Variants in NUP214 observed in about 807,000 individuals in gnomAD.
NUP214 encodes the protein nucleoporin 214, also known as nuclear pore complex protein Nup214.
NUP214 carries 79 observed loss-of-function variants against 196.2 expected under a neutral mutation model. The ratio of observed to expected loss-of-function variants is 0.40; its 90% CI spans 0.34 to 0.49. NUP214 has a LOEUF of 0.49. Ranked by LOEUF, NUP214 falls within the 20% of genes least tolerant of loss-of-function variation. NUP214 has a pLI of 0.58. For synonymous variants in NUP214, 1,020 were observed against 990.5 expected, an observed-to-expected ratio of 1.03 and a Z score of -0.56; for missense variants, 2,468 against 2,539.0, an observed-to-expected ratio of 0.97 and a Z score of 0.60.
At chr9:131,150,866 C>T in intron 16 of NUP214, 101 bp downstream of exon 16, 1 of 1,180,518 alleles carries the variant, frequency 8.5e-7, no homozygotes, top group Non-Finnish European at 1.2e-6. Context: ...CAAGGACCAC[C>T]AGTGTTGTTG....
chr9:131,160,414 G>T (rs1323964536), intron 18 of NUP214, among the ~76,000 whole-genome samples: 1 of 152,116 alleles, frequency 6.6e-6, no homozygotes, highest in Non-Finnish European at 1.5e-5. Context: ...AAAGATGAGA[G>T]AAATGATGGC....
At chr9:131,207,462 A>G (rs192521270) in intron 30 of NUP214, among the ~76,000 whole-genome samples, 3 of 152,308 alleles carry the variant, frequency 2.0e-5, no homozygotes, top group Admixed American at 1.3e-4. Flanking sequence ...CATTTGGCCT[A>G]TGTAGCCTGG....
chr9:131,187,426 GC>G, intron 25 of NUP214, 62 bp downstream of exon 25: 1 of 1,268,638 alleles, frequency 7.9e-7, no homozygotes, highest in Non-Finnish European at 1.1e-6. Flanking sequence ...TTACTCTGTC[GC>G]CCAGGCTCAA....
chr9:131,232,505 G>C lies in NUP214; in HGVS notation c.6239+197G>C. On this transcript the variant is annotated intron_variant, in intron 35 of 35. Coordinates refer to ENST00000359428, the MANE Select transcript of NUP214 (RefSeq NM_005085.4). The surrounding 1 kb of genome is among the most constrained non-coding windows in gnomAD (Gnocchi z 5.1). Reference sequence around the variant, plus strand: ...TCTCTGTAGCAATATGGCAGGAGGTGCCAGGCCTCGCCTTCTTAAGAGGCG... The same window carrying C: ...TCTCTGTAGCAATATGGCAGGAGGTCCCAGGCCTCGCCTTCTTAAGAGGCG... 1.6e-6 allele frequency: 1 copy of C among 638,210 alleles called. No homozygotes were observed. Among genetic ancestry groups the C allele is most frequent in the Non-Finnish European group, 2.8e-6 (1 of 355,914 alleles). 39.5% of individuals were successfully genotyped at this position (638,210 alleles called of 1,614,324 possible). A position where few individuals can be genotyped will look rare whatever the true frequency, so the allele number is the denominator to read the frequency against.
chr9:131,174,261 C>A lies in NUP214; in HGVS notation c.3100C>A (p.Pro1034Thr). ...GCCCAGTCTCTTGCCCCATGCAGCACCTTTTGCTAAATCTCACCTGGTTCA... is the reference window on the plus strand; with the variant it reads ...GCCCAGTCTCTTGCCCCATGCAGCAACTTTTGCTAAATCTCACCTGGTTCA... ...IQPSLLPHAA[P>T]FAKSHLVHGS... The change falls in exon 22 of 36, where the codon CCT (proline) becomes ACT (threonine). Residue 1034 changes from proline (P) to threonine (T), a missense_variant. By Grantham distance (38) the Pro-to-Thr change is conservative. Around this residue, in one of 5 missense-constraint regions of NUP214, gnomAD observed 1,801 missense variants for 1,779.4 expected, o/e 1.01. Coordinates refer to ENST00000359428, the MANE Select transcript of NUP214 (RefSeq NM_005085.4). The A allele has an allele frequency of 6.2e-7, 1 of 1,613,834 alleles. No homozygotes were observed. The highest frequency in any genetic ancestry group is 1.1e-5 in the South Asian group (1 of 91,030).
intron 2 of NUP214, 115 bp from the exon 3 acceptor site, chr9:131,128,217 G>T (rs1386593304): frequency 5.7e-6 from 4 of 702,978 alleles, no homozygotes; most frequent in Non-Finnish European, 9.4e-6. Flanking sequence ...CTAGGTATTG[G>T]GGTGTATGTG....
At chr9:131,157,637 G>GT (rs923824795) in intron 17 of NUP214, among the ~76,000 whole-genome samples, 54 of 151,278 alleles carry the variant, frequency 3.6e-4, no homozygotes, top group African/African-American at 1.3e-3. Flanking sequence ...GCTAATTTTT[G>GT]TTTTTTGTTT....
In NUP214 at chr9:131,150,656, G is replaced by A. The variant is rs377273510; in HGVS notation, c.2168G>A (p.Arg723Gln). The A allele has an allele frequency of 3.3e-5, 53 of 1,613,906 alleles. No individual in the cohort carries two copies. Among genetic ancestry groups the A allele is most frequent in the East Asian group, 1.1e-4 (5 of 44,890 alleles). Residue 723 changes from arginine (R) to glutamine (Q), a missense_variant, in exon 16 of 36, where the codon CGA (arginine) becomes CAA (glutamine). By Grantham distance (43) the Arg-to-Gln change is conservative (BLOSUM62 1). Around this residue, in one of 5 missense-constraint regions of NUP214, gnomAD observed 1,801 missense variants for 1,779.4 expected, o/e 1.01. Transcript: ENST00000359428. ...FQKELEELKA[R>Q]TSKACFQVGT... ...AAGGAGTTGGAAGAGTTAAAAGCCC[G>A]AACTTCCAAAGCCTGTTTCCAAGTG...
intron 35 of NUP214, 97 bp from the exon 36 acceptor site, chr9:131,233,357 C>T (rs1441570478): frequency 2.4e-6 from 3 of 1,248,096 alleles, no homozygotes; most frequent in Non-Finnish European, 3.3e-6. Flanking sequence ...AATAAAAAAT[C>T]TGAGTCCTGA....
Position 131,146,422 on chromosome 9 carries a change from A to G in NUP214, c.1945+118A>G, listed in dbSNP as rs1162842321. On this transcript the variant is annotated intron_variant, in intron 13 of 35. Transcript: ENST00000359428. This position sits in a 1 kb window ranked among gnomAD's most constrained non-coding sequence, Gnocchi z 4.6. ...AAGGTTATTTTTTCTTGCTTCCTGT[A>G]TCATACATTAATGATTAATGTGCTG... The G allele has an allele frequency of 2.0e-6, 2 of 994,718 alleles. No homozygotes were observed. The highest frequency in any genetic ancestry group is 2.2e-5 in the Admixed American group (1 of 45,798). 61.6% of individuals were successfully genotyped at this position (994,718 alleles called of 1,614,324 possible). A position where few individuals can be genotyped will look rare whatever the true frequency, so the allele number is the denominator to read the frequency against.
chr9:131,175,303 GA>G (rs1833082777), intron 22 of NUP214, among the ~76,000 whole-genome samples, 156 bp from the exon 23 acceptor site: 2 of 152,318 alleles, frequency 1.3e-5, no homozygotes, highest in Middle Eastern at 3.4e-3. Flanking sequence ...ATAACTGAAA[GA>G]TATAGATGCC....
chr9:131,215,616 C>G (rs188350033), intron 31 of NUP214, among the ~76,000 whole-genome samples: 1 of 152,026 alleles, frequency 6.6e-6, no homozygotes, highest in Non-Finnish European at 1.5e-5. Flanking sequence ...AGCTGCTCCC[C>G]TCTTCTCTCC....
chr9:131,181,156 G>T (rs138293150), intron 24 of NUP214, among the ~76,000 whole-genome samples: 1 of 152,218 alleles, frequency 6.6e-6, no homozygotes, highest in East Asian at 1.9e-4. Context: ...AGAGAGAAAG[G>T]CCACACAGCA....
intron 19 of NUP214, among the ~76,000 whole-genome samples, 158 bp from the exon 20 acceptor site, chr9:131,163,712 C>A (rs1021686978): frequency 6.6e-6 from 1 of 152,156 alleles, no homozygotes; most frequent in South Asian, 2.1e-4. Flanking sequence ...TGTGATCTCA[C>A]TTCTTTTAGA....
intron 17 of NUP214, among the ~76,000 whole-genome samples, chr9:131,155,957 A>T (rs571151545): frequency 6.6e-6 from 1 of 152,032 alleles, no homozygotes; most frequent in Admixed American, 6.5e-5. Context: ...TGCTTTGACT[A>T]TGTGGGCTCT....
intron 31 of NUP214, 90 bp downstream of exon 31, chr9:131,215,458 AAAG>A: frequency 7.8e-7 from 1 of 1,286,626 alleles, no homozygotes; most frequent in Non-Finnish European, 1.0e-6. Context: ...ACAAATATAA[AAAG>A]AAAAAAAAAT....
chr9:131,199,167 C>T, intron 29 of NUP214, 152 bp downstream of exon 29: 1 of 983,416 alleles, frequency 1.0e-6, no homozygotes, highest in Non-Finnish European at 1.5e-6. Flanking sequence ...CATGTGGTCT[C>T]AGGAACTTGT....
At chr9:131,223,417 G>A (rs942229802) in intron 32 of NUP214, among the ~76,000 whole-genome samples, 13 of 151,980 alleles carry the variant, frequency 8.6e-5, no homozygotes, top group Admixed American at 2.0e-4. Flanking sequence ...CGCCCACCTC[G>A]GCCTCCCAAA....
intron 31 of NUP214, 141 bp downstream of exon 31, chr9:131,215,509 G>A: frequency 1.0e-6 from 1 of 953,844 alleles, no homozygotes; most frequent in Non-Finnish European, 1.4e-6. Context: ...CCAAAGCAGT[G>A]TGATCTGTTT....
Sources: gnomAD v4.1 joint callset for allele counts (sites outside exome capture counted in the v4.1 genomes callset) on GRCh38, gnomAD v4.1.1 for gene constraint, gnomAD v4.1.1 regional missense constraint, Gnocchi (gnomAD v3.1) non-coding constraint, MANE v1.5 for transcripts, NCBI Gene and HGNC (gene_info 2026-07-23, HGNC 2026-07-21) for gene names.